The following MAP9 variants were observed in gnomAD, a reference collection of about 807,000 sequenced individuals.
MAP9 encodes microtubule associated protein 9.
In MAP9, 80 loss-of-function variants were observed where a neutral mutation model predicts 75.2. The ratio of observed to expected loss-of-function variants is 1.06; its 90% CI spans 0.89 to 1.28. MAP9 has a LOEUF of 1.28. MAP9 is among the 50% of genes most tolerant of loss of function. MAP9 has a pLI of 0.00. For synonymous variants in MAP9, 235 were observed against 237.3 expected (o/e 0.99, Z 0.09); for missense variants, 753 against 719.9 (o/e 1.05, Z -0.53).
chr4:155,366,888 C>A (rs1281031143), intron 5 of MAP9, among the ~76,000 whole-genome samples: 3 of 152,032 alleles, frequency 2.0e-5, no homozygotes, highest in Non-Finnish European at 4.4e-5. Context: ...AATAATGATA[C>A]CAAACTTTTA....
chr4:155,366,455 G>C (rs1198445439), intron 5 of MAP9, among the ~76,000 whole-genome samples: 1 of 152,058 alleles, frequency 6.6e-6, no homozygotes, highest in African/African-American at 2.4e-5. Flanking sequence ...TATTAGGTTG[G>C]TGCAAAATGA....
In MAP9 at chr4:155,344,207, T is replaced by C. The variant is rs1264829401; in HGVS notation, c.*3576A>G. Reference sequence around the variant, plus strand: ...AGTGTAGGTACCCAAATAGCTTTGATCTGGTGGACAGTTATGAAGGCAGCA... The same window carrying C: ...AGTGTAGGTACCCAAATAGCTTTGACCTGGTGGACAGTTATGAAGGCAGCA... On this transcript the variant is annotated 3_prime_UTR_variant, in exon 14 of 14. Coordinates refer to ENST00000311277, the MANE Select transcript of MAP9 (RefSeq NM_001039580.2). The C allele has an allele frequency of 1.3e-5, 2 of 151,932 alleles. No individual in the cohort carries two copies. Among genetic ancestry groups the C allele is most frequent in the African/African-American group, 2.4e-5 (1 of 41,432 alleles). The allele number at this position is 151,932 out of a possible 1,614,324, so 9.4% of individuals were successfully genotyped here.
rs1168965580 is a variant in MAP9 at position 155,346,310 on chromosome 4, C to A, written c.*1473G>T. On this transcript the variant is annotated 3_prime_UTR_variant, in exon 14 of 14. Transcript: ENST00000311277. ...CTCACTTTATAGATTTAATGACCTC[C>A]ACCATCTCTAAGAACAAGCAGCTAT... 1 of 152,166 alleles carries A rather than the reference C, an allele frequency of 6.6e-6. No homozygotes were observed. Among genetic ancestry groups the A allele is most frequent in the East Asian group, 1.9e-4 (1 of 5,192 alleles). The allele number at this position is 152,166 out of a possible 1,614,324, so 9.4% of individuals were successfully genotyped here. A position where few individuals can be genotyped will look rare whatever the true frequency, so the allele number is the denominator to read the frequency against.
intron 2 of MAP9, 116 bp downstream of exon 2, chr4:155,375,660 C>T: frequency 1.8e-6 from 1 of 564,062 alleles, no homozygotes; most frequent in South Asian, 3.3e-5. Context: ...TGCAAAACCT[C>T]AAAAGTAATA....
In MAP9 at chr4:155,344,670, T is replaced by C. The variant is rs1257366442; in HGVS notation, c.*3113A>G. 1 of 151,946 alleles carries C rather than the reference T, an allele frequency of 6.6e-6. No individual in the cohort carries two copies. Among genetic ancestry groups the C allele is most frequent in the Non-Finnish European group, 1.5e-5 (1 of 67,866 alleles). The allele number at this position is 151,946 out of a possible 1,614,324, so 9.4% of individuals were successfully genotyped here. A position where few individuals can be genotyped will look rare whatever the true frequency, so the allele number is the denominator to read the frequency against. On this transcript the variant is annotated 3_prime_UTR_variant, in exon 14 of 14. Transcript: ENST00000311277. Reference sequence around the variant, plus strand: ...AATACAAACCACTGGAATATTTTTATCCCATAAATCGTTACTTTCTTTCAT... The same window carrying C: ...AATACAAACCACTGGAATATTTTTACCCCATAAATCGTTACTTTCTTTCAT...
chr4:155,366,121 G>A (rs1732313133), intron 5 of MAP9, among the ~76,000 whole-genome samples: 2 of 152,156 alleles, frequency 1.3e-5, no homozygotes, highest in African/African-American at 4.8e-5. Flanking sequence ...AACACCTTGG[G>A]AGGCCGAGGT....
chr4:155,373,114 T>C (rs1172486311), intron 4 of MAP9, 22 bp downstream of exon 4: 1 of 1,445,922 alleles, frequency 6.9e-7, no homozygotes, highest in Admixed American at 2.3e-5. Flanking sequence ...GAAATGCAAT[T>C]ACAGTAATCC....
intron 13 of MAP9, among the ~76,000 whole-genome samples, chr4:155,348,480 T>C (rs1731367016): frequency 6.6e-6 from 1 of 151,938 alleles, no homozygotes; most frequent in Admixed American, 6.6e-5. Context: ...AAAAGACCTA[T>C]AATTATAACT....
At chr4:155,367,595 T>G (rs1367280132) in intron 5 of MAP9, 1 of 152,246 alleles carries the variant, frequency 6.6e-6, no homozygotes, top group Admixed American at 6.5e-5. Context: ...TATAAAGTAT[T>G]TGCTTGGGTT....
At chr4:155,369,178 C>A (rs1159494884) in intron 4 of MAP9, among the ~76,000 whole-genome samples, 2 of 151,858 alleles carry the variant, frequency 1.3e-5, no homozygotes, top group African/African-American at 4.8e-5. Context: ...AAAAAATTAG[C>A]CGGGCTTAGT....
intron 10 of MAP9, among the ~76,000 whole-genome samples, chr4:155,353,706 A>G (rs965439301): frequency 3.9e-5 from 6 of 152,180 alleles, no homozygotes; most frequent in Non-Finnish European, 8.8e-5. Context: ...ATTTGAAAAA[A>G]AAATCAGTAA....
At chr4:155,368,002 C>T (rs1011032264) in intron 5 of MAP9, among the ~76,000 whole-genome samples, 11 of 152,144 alleles carry the variant, frequency 7.2e-5, no homozygotes, top group African/African-American at 2.4e-4. Flanking sequence ...TAGTGAAATA[C>T]AAAGAGAAAA....
chr4:155,360,732 T>C (rs574704818), intron 6 of MAP9, among the ~76,000 whole-genome samples: 129 of 152,068 alleles, frequency 8.5e-4, no homozygotes, highest in African/African-American at 3.1e-3. Context: ...ACCAAGTAAG[T>C]GAGATGACAA....
At chr4:155,353,971 T>C (rs1337005034) in intron 10 of MAP9, among the ~76,000 whole-genome samples, 1 of 152,176 alleles carries the variant, frequency 6.6e-6, no homozygotes, top group Non-Finnish European at 1.5e-5. Context: ...TGTTCAATAT[T>C]AAATGACATA....
chr4:155,373,432 G>A lies in MAP9; in HGVS notation c.185C>T (p.Thr62Ile). 6.4e-7 allele frequency: 1 copy of A among 1,563,678 alleles called. No homozygotes were observed. Among genetic ancestry groups the A allele is most frequent in the Non-Finnish European group, 8.6e-7 (1 of 1,156,814 alleles). ...ATTAACTGAATTTTCATCTGCTGAAGTGTCAGAAAAATCACCTAAAGAAAC... is the reference window on the plus strand; with the variant it reads ...ATTAACTGAATTTTCATCTGCTGAAATGTCAGAAAAATCACCTAAAGAAAC... ...EIVSLGDFSD[T>I]SADENSVNKK... Residue 62 changes from threonine to isoleucine, a missense_variant, in exon 4 of 14, where the codon ACT becomes ATT. By Grantham distance (89) the Thr-to-Ile change is moderately conservative. Coordinates refer to ENST00000311277, the MANE Select transcript of MAP9 (RefSeq NM_001039580.2).
intron 4 of MAP9, among the ~76,000 whole-genome samples, chr4:155,371,328 C>A (rs573416880): frequency 3.2e-4 from 48 of 151,638 alleles, no homozygotes; most frequent in African/African-American, 1.1e-3. Context: ...AACTCATGAA[C>A]CATATTCCCT....
intron 6 of MAP9, chr4:155,360,939 G>C (rs886364589): frequency 6.5e-6 from 1 of 154,132 alleles, no homozygotes; most frequent in African/African-American, 2.4e-5. Flanking sequence ...TACTTCCTCT[G>C]ATACCATAAG....
At chr4:155,355,384 T>G (rs1462078374) in intron 9 of MAP9, among the ~76,000 whole-genome samples, 1 of 152,124 alleles carries the variant, frequency 6.6e-6, no homozygotes, top group East Asian at 1.9e-4. Flanking sequence ...TTTAATAACT[T>G]TTTGTTCATA....
At chr4:155,374,464 C>T (rs754243519) in intron 3 of MAP9, among the ~76,000 whole-genome samples, 35 of 152,140 alleles carry the variant, frequency 2.3e-4, no homozygotes, top group Non-Finnish European at 4.0e-4. Context: ...ATATATGAAA[C>T]ACGAAGAGTC....
Sources: allele counts gnomAD v4.1 joint callset (sites outside exome capture counted in the v4.1 genomes callset), GRCh38; gene constraint gnomAD v4.1.1; transcripts MANE v1.5; gene names NCBI Gene and HGNC (gene_info 2026-07-23, HGNC 2026-07-21).